Variants in TBL1XR1 observed in about 807,000 individuals in gnomAD.
TBL1XR1 encodes F-box-like/WD repeat-containing protein TBL1XR1.
A neutral mutation model predicts 66.9 loss-of-function variants in TBL1XR1; 5 were observed. The ratio of observed to expected loss-of-function variants is 0.07; its 90% CI spans 0.04 to 0.16. The LOEUF (loss-of-function observed/expected upper bound fraction) is 0.16. Among genes scored for constraint, TBL1XR1 ranks in the 10% least tolerant of loss-of-function variants. The probability of loss-of-function intolerance (pLI) is 1.00; values close to 1 mark genes in which losing one functional copy is unlikely to be tolerated. For missense variants in TBL1XR1, 238 were observed against 623.2 expected (o/e 0.38, Z 6.58); for synonymous variants, 210 against 206.0 (o/e 1.02, Z -0.17).
chr3:177,176,362 A>C (rs1577392149), intron 1 of TBL1XR1, among the ~76,000 whole-genome samples: 1 of 150,956 alleles, frequency 6.6e-6, no homozygotes, highest in Admixed American at 6.6e-5. Flanking sequence ...ATGCCTGGCT[A>C]ATTTTTGTAT....
chr3:177,070,852 A>T (rs35742315), intron 2 of TBL1XR1, among the ~76,000 whole-genome samples: 42,834 of 151,466 alleles, frequency 0.28, 6,343 homozygotes, highest in East Asian at 0.5. Context: ...TCTCAAAAAA[A>T]AAATAAATAA....
At chr3:177,050,742 G>A in intron 5 of TBL1XR1, 132 bp from the exon 6 acceptor site, 4 of 824,618 alleles carry the variant, frequency 4.9e-6, no homozygotes, top group Non-Finnish European at 7.1e-6. Flanking sequence ...ATCCAGTTAA[G>A]CTGAACATGA....
chr3:177,200,427 A>G (rs914758131), upstream of TBL1XR1, among the ~76,000 whole-genome samples: 1 of 152,198 alleles, frequency 6.6e-6, no homozygotes, highest in Non-Finnish European at 1.5e-5. Context: ...TGTGGCTTCA[A>G]TGTTAAATAC....
intron 2 of TBL1XR1, among the ~76,000 whole-genome samples, chr3:177,091,461 A>G (rs1041664022): frequency 2.0e-5 from 3 of 152,162 alleles, no homozygotes; most frequent in African/African-American, 7.2e-5. Context: ...TCAGGACTTT[A>G]GAGACATAGC....
At chr3:177,107,499 G>C (rs1291827617) in intron 1 of TBL1XR1, among the ~76,000 whole-genome samples, 1 of 152,170 alleles carries the variant, frequency 6.6e-6, no homozygotes, top group African/African-American at 2.4e-5. Flanking sequence ...AGGTTGTATG[G>C]GGGTTTTTTT....
intron 3 of TBL1XR1, among the ~76,000 whole-genome samples, chr3:177,055,544 G>GGGGGC (rs1233867702): frequency 2.0e-5 from 3 of 150,734 alleles, no homozygotes; most frequent in Admixed American, 6.6e-5. Flanking sequence ...ATACCAATCG[G>GGGGGC]GGGGCGGGGC....
In TBL1XR1 at chr3:177,044,668, C is replaced by T. The variant is rs145680767; in HGVS notation, c.925+1461G>A. 8.9e-4 allele frequency among the ~76,000 whole-genome samples: 135 copies of T among 152,182 alleles called. 3 individuals carry two copies. In the East Asian group the frequency reaches 0.025, roughly 28 times the overall value. ...TACAGTTCATTTTATGTCAACTGTA[C>T]CTCAATAAAATTGTCTTAAAAACAA... On this transcript the variant is annotated intron_variant, in intron 10 of 15. Coordinates refer to ENST00000457928, the MANE Select transcript of TBL1XR1 (RefSeq NM_024665.7).
At chr3:177,082,810 C>G (rs2108611717) in intron 2 of TBL1XR1, among the ~76,000 whole-genome samples, 1 of 135,704 alleles carries the variant, frequency 7.4e-6, no homozygotes, top group Admixed American at 8.0e-5. Flanking sequence ...GGCTGACGGG[C>G]AGTGGCACCA....
intron 1 of TBL1XR1, among the ~76,000 whole-genome samples, chr3:177,122,622 A>G (rs1727111046): frequency 6.6e-6 from 1 of 152,138 alleles, no homozygotes; most frequent in Non-Finnish European, 1.5e-5. Context: ...TAATGTTATT[A>G]AAGTCGAGTG....
At chr3:177,127,218 A>T (rs2108774560) in intron 1 of TBL1XR1, among the ~76,000 whole-genome samples, 1 of 152,318 alleles carries the variant, frequency 6.6e-6, no homozygotes, top group Admixed American at 6.5e-5. Flanking sequence ...CAACTTGTAT[A>T]TCTAGTTCCC....
chr3:177,150,141 GAACA>G (rs767003046), intron 1 of TBL1XR1, among the ~76,000 whole-genome samples: 3 of 152,088 alleles, frequency 2.0e-5, no homozygotes, highest in Non-Finnish European at 4.4e-5. Context: ...GTTGTTTTCA[GAACA>G]ATCAAGATGT....
intron 1 of TBL1XR1, among the ~76,000 whole-genome samples, chr3:177,187,454 A>T (rs1015360868): frequency 6.6e-6 from 1 of 152,038 alleles, no homozygotes; most frequent in African/African-American, 2.4e-5. Context: ...GAGTATACTC[A>T]TTCAAGTATT....
chr3:177,083,655 T>C (rs1721730048), intron 2 of TBL1XR1, among the ~76,000 whole-genome samples: 1 of 152,228 alleles, frequency 6.6e-6, no homozygotes, highest in African/African-American at 2.4e-5. Flanking sequence ...AGCTACCACC[T>C]ACAATTTAAA....
intron 1 of TBL1XR1, chr3:177,110,817 C>A (rs1489655408): frequency 6.6e-6 from 1 of 152,130 alleles, no homozygotes; most frequent in Non-Finnish European, 1.5e-5. Context: ...ACCTCCTCTT[C>A]ATGAGAGAAA....
chr3:177,145,717 A>G (rs1353659592), intron 1 of TBL1XR1, among the ~76,000 whole-genome samples: 2 of 152,282 alleles, frequency 1.3e-5, no homozygotes, highest in Non-Finnish European at 2.9e-5. Context: ...TGTCAGAAAG[A>G]GGAATGACAG....
chr3:177,070,187 T>A (rs1719783840), intron 2 of TBL1XR1, among the ~76,000 whole-genome samples: 1 of 152,068 alleles, frequency 6.6e-6, no homozygotes, highest in South Asian at 2.1e-4. Flanking sequence ...AGTCCAAGAG[T>A]CATTAGCTAC....
intron 3 of TBL1XR1, among the ~76,000 whole-genome samples, chr3:177,057,342 G>A (rs896216534): frequency 3.3e-5 from 5 of 152,176 alleles, no homozygotes; most frequent in Admixed American, 1.3e-4. Flanking sequence ...TATCAACTGT[G>A]TGGCTATGGT....
intron 1 of TBL1XR1, 73 bp downstream of exon 1, chr3:177,197,048 G>C (rs1221442438): frequency 6.7e-6 from 1 of 149,040 alleles, no homozygotes; most frequent in African/African-American, 2.5e-5. Flanking sequence ...AGCGCCCCCG[G>C]CCGCCTCTGG....
intron 1 of TBL1XR1, among the ~76,000 whole-genome samples, chr3:177,173,097 G>T (rs1224075449): frequency 6.6e-6 from 1 of 152,184 alleles, no homozygotes; most frequent in Non-Finnish European, 1.5e-5. Context: ...TGAGGCAGGA[G>T]AATCGCTTGA....
Sources: gnomAD v4.1 joint callset for allele counts (sites outside exome capture counted in the v4.1 genomes callset) on GRCh38, gnomAD v4.1.1 for gene constraint, MANE v1.5 for transcripts, NCBI Gene and HGNC (gene_info 2026-07-23, HGNC 2026-07-21) for gene names.